The following RERE variants were observed in gnomAD, a reference collection of about 807,000 sequenced individuals.
RERE encodes arginine-glutamic acid dipeptide repeats protein.
RERE carries 40 observed loss-of-function variants against 146.1 expected under a neutral mutation model. The ratio of observed to expected loss-of-function variants is 0.27; its 90% CI spans 0.21 to 0.36. The LOEUF is 0.36. Ranked by LOEUF, RERE falls within the 10% of genes least tolerant of loss-of-function variation. The pLI, the probability that RERE is intolerant of heterozygous loss-of-function variation, is 1.00. For synonymous variants in RERE, 1,003 were observed against 866.0 expected, an observed-to-expected ratio of 1.16 and a Z score of -2.78; for missense variants, 1,933 against 2,138.7, an observed-to-expected ratio of 0.90 and a Z score of 1.90.
chr1:8,749,414 A>C (rs1640485846), intron 1 of RERE, among the ~76,000 whole-genome samples: 1 of 151,866 alleles, frequency 6.6e-6, no homozygotes, highest in African/African-American at 2.4e-5. Flanking sequence ...TGAAAACAAC[A>C]CAATTTTGCT....
rs58064164 is a variant in RERE at position 8,516,227 on chromosome 1, GAA to G, written c.831-7554_831-7553del. ...GGGACGGAGCAAGACTCTCTCAGAGGAAAAAAAAAAAAAAAAAAAAAATCTAG... is the reference window on the plus strand; with the variant it reads ...GGGACGGAGCAAGACTCTCTCAGAGGAAAAAAAAAAAAAAAAAAAATCTAG... On this transcript the variant is annotated intron_variant, in intron 7 of 22. Transcript: ENST00000400908. 5.8e-3 allele frequency among the ~76,000 whole-genome samples: 303 copies of G among 52,292 alleles called. 7 individuals are homozygous for G. Among genetic ancestry groups the G allele is most frequent in the African/African-American group, 0.018 (205 of 11,624 alleles). The allele number at this position is 52,292 out of a possible 152,430, so 34.3% of individuals were successfully genotyped here.
chr1:8,508,709 A>G, intron 7 of RERE, 34 bp from the exon 8 acceptor site: 1 of 1,556,296 alleles, frequency 6.4e-7, no homozygotes, highest in Non-Finnish European at 8.8e-7. Flanking sequence ...AAGTTAGCGC[A>G]ATACAGTTTT....
intron 9 of RERE, among the ~76,000 whole-genome samples, chr1:8,495,807 G>A (rs1324349096): frequency 1.3e-5 from 2 of 152,170 alleles, no homozygotes; most frequent in Non-Finnish European, 2.9e-5. Context: ...CAGAAAACAT[G>A]TGAAATTAAG....
chr1:8,439,064 C>T (rs751347062), intron 11 of RERE, among the ~76,000 whole-genome samples: 15 of 152,180 alleles, frequency 9.9e-5, no homozygotes, highest in Admixed American at 3.3e-4. Flanking sequence ...GCGCTGGCCA[C>T]GGTTTGATTG....
intron 1 of RERE, among the ~76,000 whole-genome samples, chr1:8,700,770 C>A (rs554673996): frequency 1.3e-5 from 2 of 152,186 alleles, no homozygotes; most frequent in Admixed American, 6.5e-5. Flanking sequence ...GATTTTTACA[C>A]AAAATATTGG....
intron 7 of RERE, chr1:8,525,740 C>A: frequency 6.3e-7 from 1 of 1,592,436 alleles, no homozygotes. Flanking sequence ...TTCGGTGAGG[C>A]CAGGGGAAGA....
chr1:8,359,059 T>G, intron 19 of RERE, 143 bp from the exon 20 acceptor site: 1 of 1,072,640 alleles, frequency 9.3e-7, no homozygotes, highest in Non-Finnish European at 1.3e-6. Context: ...CGGCCCTGCC[T>G]TGGCCTGACA....
chr1:8,767,416 C>CA (rs1347757835), intron 1 of RERE, among the ~76,000 whole-genome samples: 1 of 152,072 alleles, frequency 6.6e-6, no homozygotes, highest in Non-Finnish European at 1.5e-5. Flanking sequence ...GCCTGGGCAA[C>CA]ATGGTGAAAT....
Position 8,361,069 on chromosome 1 carries a change from G to A in RERE, c.2438C>T (p.Ser813Leu), listed in dbSNP as rs1023610746. 4 of 1,439,294 alleles carry A rather than the reference G, an allele frequency of 2.8e-6. No homozygotes were observed. The highest frequency in any genetic ancestry group is 1.4e-5 in the African/African-American group (1 of 69,540). The allele number at this position is 1,439,294 out of a possible 1,614,324, so 89.2% of individuals were successfully genotyped here. ...CGAGGGATGCGGCGGGGGATGCGGT[G>A]AGGGCGGCCGCTGGGGGTGCAAGGC... The part of the protein sequence containing the change: ...APALHPQRPP[S>L]PHPPPHPSPH... The change falls in exon 18 of 23, where the codon TCA (serine) becomes TTA (leucine). Residue 813 changes from serine (S) to leucine (L), a missense_variant. Ser to Leu is a moderately radical substitution (Grantham distance 145). Transcript: ENST00000400908.
intron 1 of RERE, chr1:8,753,649 A>G (rs1640581816): frequency 6.6e-6 from 1 of 152,196 alleles, no homozygotes; most frequent in Non-Finnish European, 1.5e-5. Context: ...TAACTAATAA[A>G]TCCTTAATTA....
intron 1 of RERE, among the ~76,000 whole-genome samples, chr1:8,693,699 T>C (rs1639258953): frequency 6.6e-6 from 1 of 152,130 alleles, no homozygotes; most frequent in African/African-American, 2.4e-5. Flanking sequence ...TCAAAACCCA[T>C]GGAATGTATA....
chr1:8,386,250 T>TA (rs912366839), intron 12 of RERE, among the ~76,000 whole-genome samples: 2 of 150,544 alleles, frequency 1.3e-5, no homozygotes, highest in Admixed American at 6.6e-5. Context: ...AGACCAAAAA[T>TA]AAAAAAATTA....
intron 1 of RERE, among the ~76,000 whole-genome samples, chr1:8,768,456 C>A (rs909436179): frequency 3.9e-5 from 6 of 152,134 alleles, no homozygotes; most frequent in African/African-American, 7.2e-5. Flanking sequence ...TCCAACAGAA[C>A]TGTTGGGAAT....
At chr1:8,486,654 AAAT>A (rs1187362767) in intron 10 of RERE, among the ~76,000 whole-genome samples, 2 of 151,896 alleles carry the variant, frequency 1.3e-5, no homozygotes, top group Non-Finnish European at 2.9e-5. Flanking sequence ...AAACGGGAAA[AAAT>A]AATAAAACCA....
At chr1:8,383,541 T>G (rs1642527830) in intron 12 of RERE, among the ~76,000 whole-genome samples, 1 of 152,024 alleles carries the variant, frequency 6.6e-6, no homozygotes, top group Non-Finnish European at 1.5e-5. Flanking sequence ...CTTAAATGTG[T>G]CGAAGAACAT....
intron 11 of RERE, among the ~76,000 whole-genome samples, chr1:8,436,737 G>T (rs1390698446): frequency 6.6e-6 from 1 of 152,094 alleles, no homozygotes; most frequent in Non-Finnish European, 1.5e-5. Flanking sequence ...TAACTAAAAA[G>T]ATCAAAAATA....
rs375074508 is a variant in RERE at position 8,655,959 on chromosome 1, G to A, written c.325+14C>T. Reference sequence around the variant, plus strand: ...CTGTAAACATTGGCAAGACCCAAACGTAAGGCTCCTTACCTCCTGGTCTGT... The same window carrying A: ...CTGTAAACATTGGCAAGACCCAAACATAAGGCTCCTTACCTCCTGGTCTGT... On this transcript the variant is annotated intron_variant, in intron 2 of 22. Transcript: ENST00000400908. 1.9e-5 allele frequency: 30 copies of A among 1,609,348 alleles called. No homozygotes were observed. Among genetic ancestry groups the A allele is most frequent in the African/African-American group, 1.2e-4 (9 of 74,476 alleles).
At chr1:8,363,935 C>T (rs780268770) in intron 15 of RERE, 121 bp downstream of exon 15, 12 of 881,870 alleles carry the variant, frequency 1.4e-5, no homozygotes, top group Non-Finnish European at 2.1e-5. Context: ...AAAGCAGCTC[C>T]CCTCCAGGAC....
At position 8,465,937 on chromosome 1, in the gene RERE, G is replaced by A. The variant is rs780099616; in HGVS notation, c.1191C>T (p.Thr397=). ...PVPKLIEKCW[T]EDEVKRFVKG... ...GGTTCCTGCTCACCACTTCGTCCTCGGTCCAGCACTTCTCGATGAGCTTGG... is the reference window on the plus strand; with the variant it reads ...GGTTCCTGCTCACCACTTCGTCCTCAGTCCAGCACTTCTCGATGAGCTTGG... The change falls in exon 11 of 23, where the codon ACC becomes ACT. Residue 397 remains threonine, a synonymous_variant. Coordinates refer to ENST00000400908, the MANE Select transcript of RERE (RefSeq NM_001042681.2). 6.2e-6 allele frequency: 10 copies of A among 1,614,034 alleles called. No homozygotes were observed. The highest frequency in any genetic ancestry group is 2.2e-5 in the South Asian group (2 of 91,078).
Sources: allele counts gnomAD v4.1 joint callset (sites outside exome capture counted in the v4.1 genomes callset), GRCh38; gene constraint gnomAD v4.1.1; transcripts MANE v1.5; gene names NCBI Gene and HGNC (gene_info 2026-07-23, HGNC 2026-07-21).